MAPK4: variants seen among roughly 807,000 people sequenced by gnomAD.
MAPK4 encodes the protein Erk3-related.
In MAPK4, 22 loss-of-function variants were observed where a neutral mutation model predicts 47.7. The observed-to-expected ratio is 0.46, with a 90% CI of 0.33 to 0.66. MAPK4 has a LOEUF of 0.66. Ranked by LOEUF, MAPK4 falls within the 30% of genes least tolerant of loss-of-function variation. The pLI is 0.02. For missense variants in MAPK4, 736 were observed against 831.7 expected, an observed-to-expected ratio of 0.88 and a Z score of 1.42; for synonymous variants, 390 against 365.7, an observed-to-expected ratio of 1.07 and a Z score of -0.76.
At chr18:50,676,419 C>T (rs1908272773) in intron 2 of MAPK4, among the ~76,000 whole-genome samples, 1 of 152,222 alleles carries the variant, frequency 6.6e-6, no homozygotes, top group African/African-American at 2.4e-5. Flanking sequence ...TATCAATTTA[C>T]ATAGTTATAT....
chr18:50,647,754 G>A (rs1218869144), intron 1 of MAPK4, among the ~76,000 whole-genome samples: 1 of 152,024 alleles, frequency 6.6e-6, no homozygotes, highest in Non-Finnish European at 1.5e-5. Context: ...TGCCATTGTA[G>A]TCTGTGAGCC....
rs768655932 is a variant in MAPK4 at position 50,561,219 on chromosome 18, G to A, written c.-871+976G>A. On this transcript the variant is annotated intron_variant, in intron 1 of 5. Transcript: ENST00000400384. ...ACTCTCGAAAGCACTACCTCGAGACGTGCATTTCCATTCATGGATCTGTGC... is the reference window on the plus strand; with the variant it reads ...ACTCTCGAAAGCACTACCTCGAGACATGCATTTCCATTCATGGATCTGTGC... Among the ~76,000 whole-genome samples, 8 of 152,372 alleles carry A rather than the reference G, an allele frequency of 5.3e-5. No individual in the cohort carries two copies. The South Asian group carries it at 1.0e-3, about 20-fold the overall frequency.
At chr18:50,577,329 C>CTG (rs762859020) in intron 1 of MAPK4, among the ~76,000 whole-genome samples, 14 of 152,176 alleles carry the variant, frequency 9.2e-5, no homozygotes, top group Non-Finnish European at 2.1e-4. Flanking sequence ...GCCCAGGCTT[C>CTG]AGCCCTAGAG....
intron 1 of MAPK4, among the ~76,000 whole-genome samples, chr18:50,645,737 A>G (rs1160949773): frequency 6.6e-6 from 1 of 152,102 alleles, no homozygotes; most frequent in African/African-American, 2.4e-5. Flanking sequence ...CATTTAATTC[A>G]CTCAGGCAGC....
chr18:50,592,095 A>G (rs555618637), intron 1 of MAPK4, among the ~76,000 whole-genome samples: 1 of 152,316 alleles, frequency 6.6e-6, no homozygotes, highest in East Asian at 1.9e-4. Context: ...AGGCAATTAG[A>G]GACTGGGAAA....
At chr18:50,587,869 C>CCAAGTAGT (rs1214954213) in intron 1 of MAPK4, among the ~76,000 whole-genome samples, 4 of 152,072 alleles carry the variant, frequency 2.6e-5, no homozygotes, top group African/African-American at 9.7e-5. Context: ...GCTGGGATTA[C>CCAAGTAGT]AGGCGCCCAC....
chr18:50,636,112 C>A (rs2042885568), intron 1 of MAPK4, among the ~76,000 whole-genome samples: 1 of 152,248 alleles, frequency 6.6e-6, no homozygotes, highest in African/African-American at 2.4e-5. Flanking sequence ...GGAGCACTTT[C>A]TCCCTCTCCC....
At chr18:50,596,082 T>A (rs895341581) in intron 1 of MAPK4, among the ~76,000 whole-genome samples, 2 of 152,214 alleles carry the variant, frequency 1.3e-5, no homozygotes, top group African/African-American at 4.8e-5. Context: ...TAAATAGTAC[T>A]CAGCGCTGGG....
intron 3 of MAPK4, among the ~76,000 whole-genome samples, chr18:50,716,948 T>C (rs7240429): frequency 0.48 from 72,841 of 151,988 alleles, 17,595 homozygotes; most frequent in East Asian, 0.55. Flanking sequence ...CTCTGTGGCC[T>C]ACCAGATGGC....
intron 1 of MAPK4, among the ~76,000 whole-genome samples, chr18:50,617,023 G>A (rs1180031679): frequency 6.6e-6 from 1 of 152,216 alleles, no homozygotes; most frequent in Non-Finnish European, 1.5e-5. Flanking sequence ...GGCAATGACT[G>A]TTATCATTAC....
intron 2 of MAPK4, among the ~76,000 whole-genome samples, chr18:50,674,533 A>G (rs1908152090): frequency 2.0e-5 from 3 of 152,112 alleles, no homozygotes; most frequent in Admixed American, 1.3e-4. Context: ...TCGTGTTGTA[A>G]CTGACTTGTC....
At chr18:50,710,825 A>T (rs185317369) in intron 2 of MAPK4, among the ~76,000 whole-genome samples, 1 of 126,860 alleles carries the variant, frequency 7.9e-6, no homozygotes, top group African/African-American at 2.9e-5. Flanking sequence ...ATAAATAAAT[A>T]AATTCATCAT....
Position 50,664,375 on chromosome 18 carries a change from C to T in MAPK4, c.417C>T (p.Tyr139=). The T allele has an allele frequency of 6.2e-7, 1 of 1,614,044 alleles. No individual in the cohort carries two copies. ...ACCAGCTGCTCCGCGGGCTCAAGTA[C>T]ATCCACTCCGCCAACGTGCTGCACA... ...FMYQLLRGLK[Y]IHSANVLHRD... Residue 139 remains tyrosine, a synonymous_variant, in exon 2 of 6, where the codon TAC becomes TAT. Coordinates refer to ENST00000400384, the MANE Select transcript of MAPK4 (RefSeq NM_002747.4). This position sits in a 1 kb window ranked among gnomAD's most constrained non-coding sequence, Gnocchi z 6.0.
chr18:50,691,151 A>C (rs28468681), intron 2 of MAPK4, among the ~76,000 whole-genome samples: 12,244 of 151,960 alleles, frequency 0.081, 1,239 homozygotes, highest in African/African-American at 0.24. Context: ...TGCCACCAAG[A>C]CTGGCTAAAT....
intron 2 of MAPK4, among the ~76,000 whole-genome samples, chr18:50,698,382 A>G (rs1909616093): frequency 6.6e-6 from 1 of 152,258 alleles, no homozygotes; most frequent in Non-Finnish European, 1.5e-5. Flanking sequence ...CTAAGTATAT[A>G]AAATAAATAT....
At chr18:50,626,461 AGTCT>A (rs2042779179) in intron 1 of MAPK4, among the ~76,000 whole-genome samples, 1 of 151,976 alleles carries the variant, frequency 6.6e-6, no homozygotes, top group Admixed American at 6.6e-5. Flanking sequence ...GTGGACGGGG[AGTCT>A]GTCCCATAGC....
intron 4 of MAPK4, 73 bp from the exon 5 acceptor site, chr18:50,725,889 C>G: frequency 8.4e-7 from 1 of 1,187,300 alleles, no homozygotes; most frequent in Non-Finnish European, 1.3e-6. Flanking sequence ...AGAATGTCAC[C>G]GTGCTGAGGA....
chr18:50,720,905 C>G (rs112849536), intron 3 of MAPK4, among the ~76,000 whole-genome samples: 138 of 152,312 alleles, frequency 9.1e-4, no homozygotes, highest in African/African-American at 3.0e-3. Flanking sequence ...ACTGTGGGGG[C>G]ACCTGGGAGA....
At position 50,664,498 on chromosome 18, in the gene MAPK4, C is replaced by T. The variant is rs754180989; in HGVS notation, c.540C>T (p.Ser180=). 5.0e-6 allele frequency: 8 copies of T among 1,587,122 alleles called. No individual in the cohort carries two copies. In the South Asian group the frequency reaches 8.0e-5, roughly 16 times the overall value. Residue 180 remains serine (S), a synonymous_variant, in exon 2 of 6, where the codon TCC becomes TCT. Coordinates refer to ENST00000400384, the MANE Select transcript of MAPK4 (RefSeq NM_002747.4). This position sits in a 1 kb window ranked among gnomAD's most constrained non-coding sequence, Gnocchi z 6.0. ...GLARIVDQHY[S]HKGYLSEGLV... is the part of the protein sequence containing the mutation. ...CAAGGATCGTTGATCAGCATTACTC[C>T]CACAAGGTATGTCTGGCTGGAATGG...
Sources: gnomAD v4.1 joint callset for allele counts (sites outside exome capture counted in the v4.1 genomes callset) on GRCh38, gnomAD v4.1.1 for gene constraint, Gnocchi (gnomAD v3.1) non-coding constraint, MANE v1.5 for transcripts, NCBI Gene and HGNC (gene_info 2026-07-23, HGNC 2026-07-21) for gene names.